Variants in TACR3 observed in about 807,000 individuals in gnomAD.
TACR3 encodes neuromedin-K receptor.
Under a neutral mutation model 35.0 loss-of-function variants are expected in TACR3, and 34 were observed. The observed-to-expected ratio is 0.97, with a 90% CI of 0.74 to 1.30. TACR3 has a LOEUF of 1.30. Among genes scored for constraint, TACR3 ranks in the 50% most tolerant of loss-of-function variants. TACR3 has a pLI of 0.00. For synonymous variants in TACR3, 233 were observed against 221.1 expected, an observed-to-expected ratio of 1.05 and a Z score of -0.48; for missense variants, 558 against 591.7, an observed-to-expected ratio of 0.94 and a Z score of 0.59.
chr4:103,627,079 G>A (rs980660736), intron 3 of TACR3, among the ~76,000 whole-genome samples: 1 of 149,500 alleles, frequency 6.7e-6, no homozygotes, highest in Non-Finnish European at 1.5e-5. Context: ...CTCCTTGGGA[G>A]GCTGAGGCAG....
intron 3 of TACR3, among the ~76,000 whole-genome samples, chr4:103,627,655 A>T (rs918561762): frequency 6.6e-6 from 1 of 152,192 alleles, no homozygotes; most frequent in Non-Finnish European, 1.5e-5. Context: ...AAGTCCTTAG[A>T]GACCTACAAA....
chr4:103,656,154 TA>T, intron 3 of TACR3, 39 bp downstream of exon 3: 1 of 1,610,912 alleles, frequency 6.2e-7, no homozygotes. Context: ...TGATATACCA[TA>T]ACCTATACAA....
intron 1 of TACR3, among the ~76,000 whole-genome samples, chr4:103,715,266 A>T (rs1344847570): frequency 6.6e-6 from 1 of 152,122 alleles, no homozygotes; most frequent in South Asian, 2.1e-4. Context: ...CATGGGGTGG[A>T]TCTTTCATGA....
At chr4:103,650,644 T>C (rs1431323896) in intron 3 of TACR3, among the ~76,000 whole-genome samples, 2 of 64,656 alleles carry the variant, frequency 3.1e-5, no homozygotes, top group Non-Finnish European at 5.3e-5. Flanking sequence ...AATATATATT[T>C]AATATATATA....
chr4:103,713,775 TA>T (rs1372758514), intron 1 of TACR3, among the ~76,000 whole-genome samples: 1 of 152,118 alleles, frequency 6.6e-6, no homozygotes, highest in Admixed American at 6.6e-5. Context: ...GAACTTAGTA[TA>T]AAGCAACTTT....
intron 3 of TACR3, among the ~76,000 whole-genome samples, chr4:103,592,330 A>G (rs914839549): frequency 2.0e-5 from 3 of 152,202 alleles, no homozygotes; most frequent in Admixed American, 6.6e-5. Flanking sequence ...TGGTTTATGC[A>G]ACTGTTTTAT....
At position 103,589,147 on chromosome 4, in the gene TACR3, T is replaced by C. The variant is rs975618756; in HGVS notation, c.*535A>G. The C allele has an allele frequency of 6.5e-6, 1 of 152,702 alleles. No homozygotes were observed. Among genetic ancestry groups the C allele is most frequent in the East Asian group, 1.9e-4 (1 of 5,194 alleles). 9.5% of individuals were successfully genotyped at this position (152,702 alleles called of 1,614,324 possible). On this transcript the variant is annotated 3_prime_UTR_variant, in exon 5 of 5. Transcript: ENST00000304883. ...TTTACATTCTACAAAATGAGTTTTC[T>C]TGAGCAAAGATTTTCAGTTCCTACT...
chr4:103,660,547 C>CA, intron 1 of TACR3, among the ~76,000 whole-genome samples: 1 of 151,820 alleles, frequency 6.6e-6, no homozygotes, highest in African/African-American at 2.4e-5. Flanking sequence ...CACACACACA[C>CA]AACAAATACA....
intron 3 of TACR3, among the ~76,000 whole-genome samples, chr4:103,638,683 CCTA>C (rs1235929547): frequency 2.0e-5 from 3 of 151,986 alleles, no homozygotes. Context: ...ATTTTTGCAA[CCTA>C]CTTATCTGAC....
intron 4 of TACR3, 77 bp from the exon 5 acceptor site, chr4:103,590,071 T>C (rs1205603031): frequency 5.2e-6 from 8 of 1,539,914 alleles, no homozygotes; most frequent in Non-Finnish European, 7.0e-6. Flanking sequence ...CAGAAAATTC[T>C]ACCTAAGGCA....
intron 3 of TACR3, among the ~76,000 whole-genome samples, chr4:103,600,131 C>G (rs987938337): frequency 2.6e-5 from 4 of 151,164 alleles, no homozygotes; most frequent in Admixed American, 6.6e-5. Flanking sequence ...CTCAATTTCA[C>G]AGCCTGTTAT....
chr4:103,649,772 T>C (rs998814359), intron 3 of TACR3, among the ~76,000 whole-genome samples: 12 of 152,176 alleles, frequency 7.9e-5, no homozygotes, highest in African/African-American at 2.7e-4. Context: ...TTGAGTTTCC[T>C]CAAAATTGCA....
intron 1 of TACR3, among the ~76,000 whole-genome samples, chr4:103,696,536 C>T (rs1308161835): frequency 3.9e-5 from 6 of 152,148 alleles, no homozygotes; most frequent in Non-Finnish European, 7.4e-5. Context: ...ACAAAGCATT[C>T]TCCTTTTTTC....
intron 3 of TACR3, among the ~76,000 whole-genome samples, chr4:103,609,373 A>G (rs558251000): frequency 3.9e-4 from 59 of 152,252 alleles, no homozygotes; most frequent in South Asian, 2.3e-3. Flanking sequence ...TCTTCCCTCA[A>G]TATCAGCAAT....
At chr4:103,626,201 T>C (rs900948638) in intron 3 of TACR3, among the ~76,000 whole-genome samples, 5 of 152,220 alleles carry the variant, frequency 3.3e-5, no homozygotes, top group East Asian at 1.9e-4. Flanking sequence ...GACGTTTGTA[T>C]TGTTATTCAA....
intron 2 of TACR3, 97 bp downstream of exon 2, chr4:103,658,118 G>A: frequency 8.3e-7 from 1 of 1,204,348 alleles, no homozygotes; most frequent in Non-Finnish European, 1.2e-6. Context: ...ATGAACCCTG[G>A]GGGAAATGTC....
chr4:103,717,194 A>C (rs1723108685), intron 1 of TACR3, among the ~76,000 whole-genome samples: 1 of 152,106 alleles, frequency 6.6e-6, no homozygotes, highest in African/African-American at 2.4e-5. Flanking sequence ...TTTGATTCTA[A>C]AAACTATTTT....
chr4:103,624,951 A>G (rs1242798531), intron 3 of TACR3, among the ~76,000 whole-genome samples: 1 of 152,110 alleles, frequency 6.6e-6, no homozygotes, highest in Non-Finnish European at 1.5e-5. Context: ...TCTGGATCAG[A>G]GAAATGGATC....
chr4:103,638,517 G>T (rs964898805), intron 3 of TACR3, among the ~76,000 whole-genome samples: 6 of 151,900 alleles, frequency 3.9e-5, no homozygotes, highest in Non-Finnish European at 8.8e-5. Context: ...TACCATTCAG[G>T]ACATAGGCAT....
Sources: allele counts gnomAD v4.1 joint callset (sites outside exome capture counted in the v4.1 genomes callset), GRCh38; gene constraint gnomAD v4.1.1; transcripts MANE v1.5; gene names NCBI Gene and HGNC (gene_info 2026-07-23, HGNC 2026-07-21).